Variants in LARP6 observed in about 807,000 individuals in gnomAD.
LARP6 encodes the protein La ribonucleoprotein 6, translational regulator.
LARP6 carries 18 observed loss-of-function variants against 32.8 expected under a neutral mutation model. The ratio of observed to expected loss-of-function variants is 0.55; its 90% CI spans 0.38 to 0.81. The LOEUF is 0.81. Ranked by LOEUF, LARP6 falls within the 40% of genes least tolerant of loss-of-function variation. The pLI, the probability that LARP6 is intolerant of heterozygous loss-of-function variation, is 0.00. For missense variants in LARP6, 598 were observed against 663.1 expected (o/e 0.90, Z 1.08); for synonymous variants, 289 against 267.2 (o/e 1.08, Z -0.80).
intron 2 of LARP6, among the ~76,000 whole-genome samples, chr15:70,834,789 G>A (rs28401405): frequency 0.064 from 9,733 of 152,296 alleles, 422 homozygotes; most frequent in African/African-American, 0.11. Context: ...ACCAGGGAGC[G>A]TTCATCCTTG....
intron 1 of LARP6, chr15:70,849,120 A>C (rs1490223895): frequency 3.3e-5 from 5 of 152,302 alleles, no homozygotes; most frequent in African/African-American, 1.2e-4. Flanking sequence ...GCACTTTGGG[A>C]GGCCAAGGCA....
At chr15:70,851,746 T>A in intron 1 of LARP6, 1 of 1,613,860 alleles carries the variant, frequency 6.2e-7, no homozygotes, top group Non-Finnish European at 8.5e-7. Context: ...AATGATAGAA[T>A]CACAATTGTG....
chr15:70,843,223 T>A (rs1170831112), intron 1 of LARP6, among the ~76,000 whole-genome samples: 1 of 152,210 alleles, frequency 6.6e-6, no homozygotes, highest in Non-Finnish European at 1.5e-5. Flanking sequence ...TATTTCATTT[T>A]GCAGGGTCTC....
chr15:70,832,441 G>A lies in LARP6; in HGVS notation c.1087C>T (p.Pro363Ser), dbSNP rs774108118. 6.4e-7 allele frequency: 1 copy of A among 1,570,932 alleles called. No individual in the cohort carries two copies. The highest frequency in any genetic ancestry group is 2.2e-5 in the East Asian group (1 of 44,610). Residue 363 changes from proline to serine, a missense_variant, in exon 3 of 3, where the codon CCG (proline) becomes TCG (serine). Around this residue, in one of 3 missense-constraint regions of LARP6, gnomAD observed 368 missense variants for 397.9 expected, o/e 0.92. Transcript: ENST00000299213. ...AGAAAGAGATTCTGGTGGCCAGACGGGCTGAGCTTGTTGGTGGCCGCGTGC... is the reference window on the plus strand; with the variant it reads ...AGAAAGAGATTCTGGTGGCCAGACGAGCTGAGCTTGTTGGTGGCCGCGTGC... ...RRHAATNKLS[P>S]SGHQNLFLSP...
At position 70,832,070 on chromosome 15, in the gene LARP6, C is replaced by G; in HGVS notation, c.1458G>C (p.Arg486Ser). The change falls in exon 3 of 3, where the codon AGG (arginine) becomes AGC (serine). Residue 486 changes from arginine (R) to serine (S), a missense_variant. By Grantham distance (110) the Arg-to-Ser change is moderately radical. This residue lies in a region of LARP6 where 368 missense variants were observed against 397.9 expected (regional missense o/e 0.92). Transcript: ENST00000299213. Reference sequence around the variant, plus strand: ...AAGGTATTTATACACAGGCCCTGCTCCTCTCATGGCCATGAAATCCTCTGG... The same window carrying G: ...AAGGTATTTATACACAGGCCCTGCTGCTCTCATGGCCATGAAATCCTCTGG... ...DNTRGFHGHE[R>S]SRACV 6.6e-7 allele frequency: 1 copy of G among 1,524,264 alleles called. No homozygotes were observed. 94.4% of individuals were successfully genotyped at this position (1,524,264 alleles called of 1,614,324 possible).
Position 70,830,766 on chromosome 15 carries a change from T to A in LARP6, c.*1286A>T, listed in dbSNP as rs1024541184. ...ACAAGCTCTATTAAATCCTGCCAAATAGCCAGAGCATAAGCCAACACTGGA... is the reference window on the plus strand; with the variant it reads ...ACAAGCTCTATTAAATCCTGCCAAAAAGCCAGAGCATAAGCCAACACTGGA... On this transcript the variant is annotated 3_prime_UTR_variant, in exon 3 of 3. Transcript: ENST00000299213. 3 of 152,212 alleles carry A rather than the reference T, an allele frequency of 2.0e-5. No homozygotes were observed. Among genetic ancestry groups the A allele is most frequent in the Non-Finnish European group, 4.4e-5 (3 of 68,038 alleles). The allele number at this position is 152,212 out of a possible 1,614,324, so 9.4% of individuals were successfully genotyped here. A position where few individuals can be genotyped will look rare whatever the true frequency, so the allele number is the denominator to read the frequency against.
At chr15:70,834,460 T>C (rs2032111162) in intron 2 of LARP6, among the ~76,000 whole-genome samples, 1 of 152,194 alleles carries the variant, frequency 6.6e-6, no homozygotes, top group African/African-American at 2.4e-5. Flanking sequence ...AGTGGCTCAC[T>C]GTGGGGTGAA....
chr15:70,848,470 G>A (rs908615598), intron 1 of LARP6, among the ~76,000 whole-genome samples: 8 of 152,122 alleles, frequency 5.3e-5, no homozygotes, highest in African/African-American at 1.4e-4. Context: ...GGTGGCTCAC[G>A]CCTGTAATCC....
At position 70,832,514 on chromosome 15, in the gene LARP6, G is replaced by T; in HGVS notation, c.1014C>A (p.Ser338Arg). 6.5e-7 allele frequency: 1 copy of T among 1,542,476 alleles called. No individual in the cohort carries two copies. The highest frequency in any genetic ancestry group is 8.7e-7 in the Non-Finnish European group (1 of 1,148,590). The change falls in exon 3 of 3, where the codon AGC becomes AGA. Residue 338 changes from serine to arginine, a missense_variant. By Grantham distance (110) the Ser-to-Arg change is moderately radical. Coordinates refer to ENST00000299213, the MANE Select transcript of LARP6 (RefSeq NM_018357.4). ...QYMGDESSAN[S>R]SSDPESNPTS... ...TGGGGTTGCTCTCGGGGTCAGAGGA[G>T]CTGTTGGCAGAAGACTCATCACCCA... is the stretch of plus-strand genomic sequence containing the variant.
chr15:70,836,772 A>G (rs2032156169), intron 1 of LARP6, among the ~76,000 whole-genome samples: 1 of 152,136 alleles, frequency 6.6e-6, no homozygotes, highest in African/African-American at 2.4e-5. Flanking sequence ...GAAGGGAGAG[A>G]CTGGGGTGAT....
chr15:70,835,943 C>T (rs2032139185), intron 2 of LARP6, among the ~76,000 whole-genome samples: 1 of 152,166 alleles, frequency 6.6e-6, no homozygotes, highest in South Asian at 2.1e-4. Context: ...TAATTTTAGG[C>T]CTGGCAGGTA....
At position 70,845,477 on chromosome 15, in the gene LARP6, A is replaced by G. The variant is rs116440408; in HGVS notation, c.200+8412T>C. On this transcript the variant is annotated intron_variant, in intron 1 of 2. Coordinates refer to ENST00000299213, the MANE Select transcript of LARP6 (RefSeq NM_018357.4). The stretch of plus-strand genomic sequence containing the variant: ...GGGAGGACCACAGAGGTAAATTTCC[A>G]TTCTCAGCACATCCTATCAGGGTAG... Among the ~76,000 whole-genome samples, 391 of 152,304 alleles carry G rather than the reference A, an allele frequency of 2.6e-3. 2 individuals are homozygous for G. The highest frequency in any genetic ancestry group is 9.2e-3 in the African/African-American group (384 of 41,554).
intron 1 of LARP6, among the ~76,000 whole-genome samples, chr15:70,845,969 CT>C (rs1050963836): frequency 7.2e-5 from 11 of 152,272 alleles, no homozygotes; most frequent in East Asian, 3.9e-4. Flanking sequence ...AATCTTGTCT[CT>C]TTTTTTTCCC....
Position 70,832,584 on chromosome 15 carries a change from T to G in LARP6, c.944A>C (p.His315Pro). ...TCTCTTGTTCAGGGACTTGTTCAGG[T>G]GGATGCTCGCAGTGGGCTCCTCGTC... ...NHDEEPTASI[H>P]LNKSLNKRVE... The change falls in exon 3 of 3, where the codon CAC becomes CCC. Residue 315 changes from histidine to proline, a missense_variant. Physicochemically the swap from His to Pro is moderately conservative, Grantham distance 77. Transcript: ENST00000299213. 1 of 1,588,764 alleles carries G rather than the reference T, an allele frequency of 6.3e-7. No homozygotes were observed. The highest frequency in any genetic ancestry group is 8.5e-7 in the Non-Finnish European group (1 of 1,169,876).
At position 70,832,689 on chromosome 15, in the gene LARP6, G is replaced by A. The variant is rs1355985429; in HGVS notation, c.839C>T (p.Ser280Phe). 6.2e-7 allele frequency: 1 copy of A among 1,605,736 alleles called. No individual in the cohort carries two copies. The highest frequency in any genetic ancestry group is 1.1e-5 in the South Asian group (1 of 89,598). ...IKAHEFMITE[S>F]QGKENMKAVL... ...AGCTTTCATGTTCTCTTTGCCCTGA[G>A]ATTCTGTGATCATGAACTCATGGGC... The change falls in exon 3 of 3, where the codon TCT (serine) becomes TTT (phenylalanine). Residue 280 changes from serine to phenylalanine, a missense_variant. By Grantham distance (155) the Ser-to-Phe change is radical (BLOSUM62 -2). Around this residue, in one of 3 missense-constraint regions of LARP6, gnomAD observed 368 missense variants for 397.9 expected, o/e 0.92. Coordinates refer to ENST00000299213, the MANE Select transcript of LARP6 (RefSeq NM_018357.4).
intron 2 of LARP6, among the ~76,000 whole-genome samples, chr15:70,834,230 A>G (rs1016949184): frequency 1.3e-5 from 2 of 152,208 alleles, no homozygotes; most frequent in African/African-American, 4.8e-5. Flanking sequence ...CAGACCCATT[A>G]CTATACACAG....
At chr15:70,848,457 C>T (rs574513392) in intron 1 of LARP6, among the ~76,000 whole-genome samples, 71 of 152,224 alleles carry the variant, frequency 4.7e-4, no homozygotes, top group East Asian at 3.5e-3. Context: ...AGAGGCCAGG[C>T]GTGGTGGCTC....
At chr15:70,851,891 A>G (rs1252340437) in intron 1 of LARP6, 1 of 1,030,300 alleles carries the variant, frequency 9.7e-7, no homozygotes, top group African/African-American at 1.6e-5. Context: ...AAATCAGTCA[A>G]TCAGAGGACC....
intron 1 of LARP6, chr15:70,849,137 T>A (rs2032400988): frequency 1.3e-5 from 2 of 152,088 alleles, no homozygotes; most frequent in African/African-American, 4.8e-5. Flanking sequence ...GGCAGGTGGA[T>A]CACGAGGTCA....
Sources: gnomAD v4.1 joint callset for allele counts (sites outside exome capture counted in the v4.1 genomes callset) on GRCh38, gnomAD v4.1.1 for gene constraint, gnomAD v4.1.1 regional missense constraint, MANE v1.5 for transcripts, NCBI Gene and HGNC (gene_info 2026-07-23, HGNC 2026-07-21) for gene names.